Variants in IGSF21 observed in about 807,000 individuals in gnomAD.
The protein encoded by IGSF21 is immunoglobin superfamily member 21, also known as immunoglobulin superfamily member 21.
IGSF21 carries 28 observed loss-of-function variants against 46.8 expected under a neutral mutation model. The ratio of observed to expected loss-of-function variants is 0.60; its 90% CI spans 0.44 to 0.82. The LOEUF (loss-of-function observed/expected upper bound fraction) is 0.82. Among genes scored for constraint, IGSF21 ranks in the 40% least tolerant of loss-of-function variants. IGSF21 has a pLI of 0.00. For synonymous variants in IGSF21, 284 were observed against 273.6 expected, an observed-to-expected ratio of 1.04 and a Z score of -0.38; for missense variants, 624 against 665.5, an observed-to-expected ratio of 0.94 and a Z score of 0.69.
At chr1:18,315,840 T>A (rs574360392) in intron 3 of IGSF21, among the ~76,000 whole-genome samples, 1 of 150,400 alleles carries the variant, frequency 6.6e-6, no homozygotes, top group South Asian at 2.1e-4. Flanking sequence ...GATAGGTAGA[T>A]GGGGGGTGAG....
At chr1:18,155,013 C>A (rs1292021073) in intron 1 of IGSF21, among the ~76,000 whole-genome samples, 1 of 152,060 alleles carries the variant, frequency 6.6e-6, no homozygotes. Flanking sequence ...CTGCAGGTCC[C>A]AGCTGAGGCT....
chr1:18,166,011 C>T (rs61766501), intron 1 of IGSF21, among the ~76,000 whole-genome samples: 8,893 of 152,272 alleles, frequency 0.058, 338 homozygotes, highest in Middle Eastern at 0.16. Flanking sequence ...AGGTTATAAA[C>T]GACCCTGTCT....
intron 2 of IGSF21, among the ~76,000 whole-genome samples, chr1:18,236,393 C>A (rs1390951126): frequency 6.6e-6 from 1 of 152,228 alleles, no homozygotes; most frequent in African/African-American, 2.4e-5. Flanking sequence ...GTTCATTAAA[C>A]TGTCCTTTTA....
At chr1:18,333,310 A>G (rs2085733015) in intron 3 of IGSF21, among the ~76,000 whole-genome samples, 1 of 152,184 alleles carries the variant, frequency 6.6e-6, no homozygotes, top group Non-Finnish European at 1.5e-5. Context: ...GCATGAAGAC[A>G]GACATATTTC....
intron 2 of IGSF21, chr1:18,278,915 A>G (rs1557621636): frequency 2.1e-6 from 1 of 471,512 alleles, no homozygotes; most frequent in Non-Finnish European, 4.4e-6. Context: ...TGCCTTAAAG[A>G]TTTTTACACT....
chr1:18,154,464 A>C (rs1386531602), intron 1 of IGSF21, among the ~76,000 whole-genome samples: 1 of 152,058 alleles, frequency 6.6e-6, no homozygotes, highest in Non-Finnish European at 1.5e-5. Context: ...TTCTTGGCTC[A>C]CGGAGGCTGG....
At chr1:18,269,157 T>G (rs146819898) in intron 2 of IGSF21, among the ~76,000 whole-genome samples, 29 of 152,218 alleles carry the variant, frequency 1.9e-4, no homozygotes, top group African/African-American at 6.3e-4. Context: ...AGAGGGTCAC[T>G]GGGGATTGGG....
At chr1:18,179,515 G>A (rs1047610660) in intron 1 of IGSF21, among the ~76,000 whole-genome samples, 9 of 152,214 alleles carry the variant, frequency 5.9e-5, no homozygotes, top group African/African-American at 2.2e-4. Context: ...GGCTGGATTT[G>A]TAATTCTATA....
chr1:18,234,969 A>C (rs1273268715), intron 2 of IGSF21, among the ~76,000 whole-genome samples: 1 of 152,184 alleles, frequency 6.6e-6, no homozygotes, highest in African/African-American at 2.4e-5. Flanking sequence ...TAGAGGCCAG[A>C]GTGTGAATCA....
Position 18,365,712 on chromosome 1 carries a change from G to T in IGSF21, c.1015+15G>T. On this transcript the variant is annotated intron_variant, in intron 6 of 9. Transcript: ENST00000251296. The surrounding 1 kb of genome is among the most constrained non-coding windows in gnomAD (Gnocchi z 4.8). Reference sequence around the variant, plus strand: ...GGTCACGCTGGGTAAGACTTGGTGGGGGCCCTTCTGTAGAGCCCTTGCAGA... The same window carrying T: ...GGTCACGCTGGGTAAGACTTGGTGGTGGCCCTTCTGTAGAGCCCTTGCAGA... 1 of 1,597,064 alleles carries T rather than the reference G, an allele frequency of 6.3e-7. No homozygotes were observed. The highest frequency in any genetic ancestry group is 1.1e-5 in the South Asian group (1 of 88,612).
intron 1 of IGSF21, among the ~76,000 whole-genome samples, chr1:18,211,593 A>G (rs940210843): frequency 2.0e-5 from 3 of 152,212 alleles, no homozygotes; most frequent in African/African-American, 7.2e-5. Context: ...CCAGCAATTA[A>G]TTCGTATGTG....
intron 4 of IGSF21, among the ~76,000 whole-genome samples, chr1:18,344,919 C>T (rs2085877744): frequency 6.6e-6 from 1 of 152,188 alleles, no homozygotes; most frequent in Admixed American, 6.5e-5. Flanking sequence ...GGCTGCTGCT[C>T]CACAGGGGAA....
intron 1 of IGSF21, among the ~76,000 whole-genome samples, chr1:18,146,237 G>A (rs1431464773): frequency 6.6e-6 from 1 of 152,174 alleles, no homozygotes; most frequent in Non-Finnish European, 1.5e-5. Flanking sequence ...CAGATCTCTT[G>A]CTATATTTGT....
chr1:18,328,788 C>T (rs2085683218), intron 3 of IGSF21, among the ~76,000 whole-genome samples: 1 of 152,160 alleles, frequency 6.6e-6, no homozygotes. Context: ...CTCACAGCTC[C>T]ACCCTCCCCT....
At chr1:18,292,254 CA>C (rs1447735832) in intron 3 of IGSF21, among the ~76,000 whole-genome samples, 1 of 152,226 alleles carries the variant, frequency 6.6e-6, no homozygotes, top group Non-Finnish European at 1.5e-5. Flanking sequence ...GTGGGTATTC[CA>C]AACTCCATTT....
At chr1:18,360,959 C>G (rs1409387298) in intron 4 of IGSF21, among the ~76,000 whole-genome samples, 1 of 143,420 alleles carries the variant, frequency 7.0e-6, no homozygotes, top group Non-Finnish European at 1.6e-5. Context: ...CAGTCCCTGC[C>G]CCTTGCGATG....
intron 6 of IGSF21, among the ~76,000 whole-genome samples, chr1:18,366,600 CTGAAAGTCATAGGAATTTT>C (rs1366244335): frequency 2.6e-5 from 4 of 152,120 alleles, no homozygotes; most frequent in African/African-American, 9.7e-5. Context: ...TTCGAGAATT[CTGAAAGTCATAGGAATTTT>C]TGCCAGGTTG....
intron 2 of IGSF21, among the ~76,000 whole-genome samples, chr1:18,273,039 CTTTTTTTTTTTTTTTT>C (rs760448516): frequency 6.9e-4 from 56 of 80,722 alleles, no homozygotes; most frequent in Admixed American, 1.1e-3. Context: ...CCAGACGGAT[CTTTTTTTTTTTTTTTT>C]TTTTTTTTTA....
At chr1:18,251,062 G>A (rs1212843427) in intron 2 of IGSF21, among the ~76,000 whole-genome samples, 1 of 152,148 alleles carries the variant, frequency 6.6e-6, no homozygotes, top group East Asian at 1.9e-4. Flanking sequence ...GCCAGGCAGA[G>A]AGGGTATCTA....
Sources: gnomAD v4.1 joint callset for allele counts (sites outside exome capture counted in the v4.1 genomes callset) on GRCh38, gnomAD v4.1.1 for gene constraint, Gnocchi (gnomAD v3.1) non-coding constraint, MANE v1.5 for transcripts, NCBI Gene and HGNC (gene_info 2026-07-23, HGNC 2026-07-21) for gene names.